Variants in BCORL1 observed in about 807,000 individuals in gnomAD.
BCORL1 encodes BCL-6 corepressor-like protein 1.
In BCORL1, 7 loss-of-function variants were observed where a neutral mutation model predicts 87.6. That is an observed-to-expected ratio of 0.08 (90% CI 0.05 to 0.15). The LOEUF (loss-of-function observed/expected upper bound fraction) is 0.15, where lower values mean the gene tolerates loss of function less well. BCORL1 is among the 10% of genes least tolerant of loss of function. The pLI is 1.00. For synonymous variants in BCORL1, 591 were observed against 634.4 expected (o/e 0.93, Z 1.03); for missense variants, 1,215 against 1,499.7 (o/e 0.81, Z 3.13).
intron 1 of BCORL1, among the ~76,000 whole-genome samples, chrX:129,991,944 G>A (rs983916460): frequency 5.7e-5 from 6 of 105,383 alleles, no homozygotes; most frequent in Admixed American, 1.0e-4. Flanking sequence ...GATTACAGGC[G>A]TGAGCCACCG....
rs775473999 is a variant in BCORL1, at chrX:130,039,598, GC to G, written c.4840+317del. 4.4e-3 allele frequency among the ~76,000 whole-genome samples: 502 copies of G among 113,315 alleles called. 1 individual carries two copies. Among genetic ancestry groups the G allele is most frequent in the South Asian group, 0.01 (29 of 2,793 alleles). Reference sequence around the variant, plus strand: ...GGCGGCAGCCCCACTAGTAGACCTAGCTGGGGGCAGAATGTGTTGACCTGTG... The same window carrying G: ...GGCGGCAGCCCCACTAGTAGACCTAGTGGGGGCAGAATGTGTTGACCTGTG... On this transcript the variant is annotated intron_variant, in intron 11 of 13. Transcript: ENST00000540052.
chrX:130,002,584 G>A (rs1319631829), intron 1 of BCORL1, among the ~76,000 whole-genome samples: 1 of 105,041 alleles, frequency 9.5e-6, no homozygotes, highest in East Asian at 3.0e-4. Context: ...GGGGGAGAGG[G>A]AGGAGAGAAT....
chrX:130,022,529 T>C (rs1929927566), intron 5 of BCORL1, among the ~76,000 whole-genome samples: 1 of 111,138 alleles, frequency 9.0e-6, no homozygotes, highest in Non-Finnish European at 1.9e-5. Context: ...ATTACAGGCG[T>C]GAGCCACCAT....
At chrX:130,035,804 C>G (rs758606031) in intron 9 of BCORL1, among the ~76,000 whole-genome samples, 1 of 112,912 alleles carries the variant, frequency 8.9e-6, no homozygotes, top group African/African-American at 3.2e-5. Flanking sequence ...GGCTGGAGCA[C>G]TAAGGCAGCC....
rs1245949332 is a variant in BCORL1, at chrX:130,028,815, G to A, written c.4259G>A (p.Arg1420Gln). 1.7e-6 allele frequency: 2 copies of A among 1,203,570 alleles called. No homozygotes were observed. Among genetic ancestry groups the A allele is most frequent in the South Asian group, 1.8e-5 (1 of 56,692 alleles). Residue 1420 changes from arginine (R) to glutamine (Q), a missense_variant, in exon 8 of 14, where the codon CGA becomes CAA. Physicochemically the swap from Arg to Gln is conservative, Grantham distance 43. Transcript: ENST00000540052. ...AATTCAGAAAAGCCATCAGGAAAACGAAAGTGCAAGACCAAGCACATGGCA... is the reference window on the plus strand; with the variant it reads ...AATTCAGAAAAGCCATCAGGAAAACAAAAGTGCAAGACCAAGCACATGGCA... ...LENSEKPSGK[R>Q]KCKTKHMATV...
chrX:130,055,366 C>A (rs1932311971), intron 13 of BCORL1, among the ~76,000 whole-genome samples: 1 of 112,650 alleles, frequency 8.9e-6, no homozygotes, highest in Non-Finnish European at 1.9e-5. Context: ...CTCCACGGCT[C>A]CCCCTCTGCT....
intron 5 of BCORL1, among the ~76,000 whole-genome samples, chrX:130,022,236 C>CTTTCTTTTT (rs1393042893): frequency 1.6e-4 from 9 of 56,334 alleles, no homozygotes; most frequent in African/African-American, 5.3e-4. Context: ...TTCTTTCTTT[C>CTTTCTTTTT]TTTTTTTTTT....
intron 1 of BCORL1, among the ~76,000 whole-genome samples, chrX:130,003,337 T>TCTC (rs572134322): frequency 4.2e-3 from 448 of 106,553 alleles, no homozygotes; most frequent in South Asian, 0.012. Flanking sequence ...TGTTGTATTA[T>TCTC]CTCCTCCTCC....
chrX:130,004,464 C>T lies in BCORL1; in HGVS notation c.-44-724C>T, dbSNP rs748888147. Reference sequence around the variant, plus strand: ...TTCACCATGTTGTCCAGGCTGGTCTCGAGCTCCTGACCTCAGGTGATCCAC... The same window carrying T: ...TTCACCATGTTGTCCAGGCTGGTCTTGAGCTCCTGACCTCAGGTGATCCAC... On this transcript the variant is annotated intron_variant, in intron 1 of 13. Transcript: ENST00000540052. Among the ~76,000 whole-genome samples, 3 of 110,569 alleles carry T rather than the reference C, an allele frequency of 2.7e-5. No homozygotes were observed. The Admixed American group carries it at 2.9e-4, about 11-fold the overall frequency.
At chrX:130,051,699 C>G (rs915047480) in intron 12 of BCORL1, among the ~76,000 whole-genome samples, 161 bp from the exon 13 acceptor site, 1 of 112,461 alleles carries the variant, frequency 8.9e-6, no homozygotes, top group African/African-American at 3.2e-5. Context: ...AGGATGTGAG[C>G]CATGGAACCG....
chrX:130,010,209 A>G (rs1928839579), intron 2 of BCORL1, among the ~76,000 whole-genome samples: 1 of 111,493 alleles, frequency 9.0e-6, no homozygotes, highest in Admixed American at 9.5e-5. Flanking sequence ...TTGTATGGCC[A>G]GGAGGGGAAA....
chrX:129,993,091 C>T (rs1253802973), intron 1 of BCORL1, among the ~76,000 whole-genome samples: 1 of 111,368 alleles, frequency 9.0e-6, no homozygotes, highest in East Asian at 2.8e-4. Context: ...TTTGTTCTAG[C>T]GGAAATTAGA....
chrX:129,996,562 G>A (rs1469544013), intron 1 of BCORL1, among the ~76,000 whole-genome samples: 2 of 111,562 alleles, frequency 1.8e-5, no homozygotes, highest in African/African-American at 6.5e-5. Context: ...CAGCCACAAA[G>A]GGAACTACAT....
At position 129,992,173 on chromosome X, in the gene BCORL1, C is replaced by T. The variant is rs1274437118; in HGVS notation, c.-45+9411C>T. 3.9e-3 allele frequency among the ~76,000 whole-genome samples: 374 copies of T among 96,202 alleles called. 1 individual carries two copies. The highest frequency in any genetic ancestry group is 5.7e-3 in the Non-Finnish European group (269 of 47,130). The allele number at this position is 96,202 out of a possible 115,157, so 83.5% of individuals were successfully genotyped here. Reference sequence around the variant, plus strand: ...ATTTTTGGGCCAGGCACAGTCGTCACGCCTATAATCCCACCACTTTGGGAG... The same window carrying T: ...ATTTTTGGGCCAGGCACAGTCGTCATGCCTATAATCCCACCACTTTGGGAG... On this transcript the variant is annotated intron_variant, in intron 1 of 13. Coordinates refer to ENST00000540052, the MANE Select transcript of BCORL1 (RefSeq NM_001379451.1).
At chrX:130,033,170 C>T (rs147479974) in intron 8 of BCORL1, among the ~76,000 whole-genome samples, 1,750 of 109,388 alleles carry the variant, frequency 0.016, 25 homozygotes, top group African/African-American at 0.055. Context: ...CAACCTCCCC[C>T]TCCCGGGCTC....
At chrX:130,027,595 G>T (rs1462320790) in intron 7 of BCORL1, among the ~76,000 whole-genome samples, 1 of 112,796 alleles carries the variant, frequency 8.9e-6, no homozygotes, top group Non-Finnish European at 1.9e-5. Flanking sequence ...TTCCTTTGGG[G>T]AGGAAAACAC....
In BCORL1 at chrX:130,037,519, G is replaced by A. The variant is rs756780506; in HGVS notation, c.4680G>A (p.Ala1560=). The change falls in exon 10 of 14, where the codon GCG becomes GCA. Residue 1560 remains alanine, a synonymous_variant. Coordinates refer to ENST00000540052, the MANE Select transcript of BCORL1 (RefSeq NM_001379451.1). ...LEHGANVNCS[A]QDGTRPVHDA... ...ACGGGGCCAACGTGAACTGCAGTGC[G>A]CAGGACGGCACGAGGCAAGAGGGCT... 1.3e-5 allele frequency: 16 copies of A among 1,206,587 alleles called. No homozygotes were observed. The East Asian group carries it at 1.8e-4, about 13-fold the overall frequency.
Position 130,015,067 on chromosome X carries a change from G to A in BCORL1, c.2295G>A (p.Thr765=), listed in dbSNP as rs920734660. ...DQGEPKGTGA[T]CGKKGSQAGA... ...GAGAGCCTAAGGGCACTGGTGCCAC[G>A]TGTGGCAAAAAGGGCAGCCAGGCTG... Residue 765 remains threonine, a synonymous_variant, in exon 4 of 14, where the codon ACG becomes ACA. Transcript: ENST00000540052. 2.4e-5 allele frequency: 29 copies of A among 1,210,531 alleles called. No homozygotes were observed. Among genetic ancestry groups the A allele is most frequent in the African/African-American group, 5.2e-5 (3 of 57,328 alleles).
chrX:130,052,243 G>A (rs1425125589), intron 13 of BCORL1, among the ~76,000 whole-genome samples: 1 of 112,510 alleles, frequency 8.9e-6, no homozygotes, highest in Non-Finnish European at 1.9e-5. Context: ...ATTCTCTCTC[G>A]GAAGGCTTTT....
Sources: allele counts gnomAD v4.1 joint callset (sites outside exome capture counted in the v4.1 genomes callset), GRCh38; gene constraint gnomAD v4.1.1; transcripts MANE v1.5; gene names NCBI Gene and HGNC (gene_info 2026-07-23, HGNC 2026-07-21).